The following SCMH1 variants were observed in gnomAD, a reference collection of about 807,000 sequenced individuals.
The protein encoded by SCMH1 is polycomb protein SCMH1.
Under a neutral mutation model 70.8 loss-of-function variants are expected in SCMH1, and 37 were observed. That is an observed-to-expected ratio of 0.52 (90% CI 0.40 to 0.69). The LOEUF (loss-of-function observed/expected upper bound fraction) is 0.69. Ranked by LOEUF, SCMH1 falls within the 30% of genes least tolerant of loss-of-function variation. The pLI is 0.00. For synonymous variants in SCMH1, 292 were observed against 307.4 expected, an observed-to-expected ratio of 0.95 and a Z score of 0.52; for missense variants, 607 against 827.3, an observed-to-expected ratio of 0.73 and a Z score of 3.27.
intron 1 of SCMH1, among the ~76,000 whole-genome samples, chr1:41,231,047 GAGAAC>G (rs957245902): frequency 6.6e-6 from 1 of 152,178 alleles, no homozygotes; most frequent in Non-Finnish European, 1.5e-5. Context: ...GATCAAAGTT[GAGAAC>G]AGAACAGTAG....
At chr1:41,083,124 G>C (rs1374194230) in intron 8 of SCMH1, among the ~76,000 whole-genome samples, 2 of 152,176 alleles carry the variant, frequency 1.3e-5, no homozygotes, top group African/African-American at 4.8e-5. Flanking sequence ...GTTCTGGCCA[G>C]GGCAATTAGG....
At chr1:41,159,711 C>A in intron 4 of SCMH1, 1 of 1,530,332 alleles carries the variant, frequency 6.5e-7, no homozygotes, top group Non-Finnish European at 8.8e-7. Context: ...TTATCAAGTG[C>A]CAGGCACCTT....
At chr1:41,159,254 C>A (rs373132258) in intron 4 of SCMH1, among the ~76,000 whole-genome samples, 1 of 152,176 alleles carries the variant, frequency 6.6e-6, no homozygotes, top group African/African-American at 2.4e-5. Context: ...AGGAAAAATA[C>A]ACTTTCAAAT....
At chr1:41,139,996 ACTAAT>A (rs987074349) in intron 6 of SCMH1, among the ~76,000 whole-genome samples, 1 of 152,210 alleles carries the variant, frequency 6.6e-6, no homozygotes, top group African/African-American at 2.4e-5. Context: ...TTAGACAGAA[ACTAAT>A]CTAAATGACC....
intron 10 of SCMH1, among the ~76,000 whole-genome samples, chr1:41,067,337 G>A (rs1654942796): frequency 1.3e-5 from 2 of 151,524 alleles, no homozygotes; most frequent in South Asian, 2.1e-4. Flanking sequence ...CCAGGTACTC[G>A]GAAGGCTGAG....
exon 6 of SCMH1, chr1:41,143,048 T>A (rs758534047): frequency 5.2e-5 from 84 of 1,614,068 alleles, no homozygotes; most frequent in Middle Eastern, 3.3e-4. Context: ...GGATGTGGTG[T>A]TCCTGGGGTC....
chr1:41,145,989 G>A (rs1307634572), intron 5 of SCMH1, among the ~76,000 whole-genome samples: 2 of 151,962 alleles, frequency 1.3e-5, no homozygotes, highest in Non-Finnish European at 2.9e-5. Context: ...TTCTTTATAC[G>A]AAAATAAAAG....
At chr1:41,114,459 A>G (rs1669954992) in intron 7 of SCMH1, among the ~76,000 whole-genome samples, 1 of 152,128 alleles carries the variant, frequency 6.6e-6, no homozygotes, top group South Asian at 2.1e-4. Context: ...TCATTCTTCA[A>G]TATTGTTTTT....
chr1:41,161,456 C>A, intron 2 of SCMH1, 24 bp from the exon 3 acceptor site: 2 of 1,537,190 alleles, frequency 1.3e-6, no homozygotes, highest in Non-Finnish European at 1.7e-6. Flanking sequence ...GAAAAATAGT[C>A]ATGTGGAAAG....
intron 12 of SCMH1, among the ~76,000 whole-genome samples, chr1:41,039,403 G>C (rs1296065262): frequency 6.6e-6 from 1 of 152,190 alleles, no homozygotes; most frequent in Non-Finnish European, 1.5e-5. Flanking sequence ...AAGCTCTGGG[G>C]GGTCCTAGTC....
chr1:41,104,557 T>C (rs1025121457), intron 8 of SCMH1, among the ~76,000 whole-genome samples: 10 of 152,220 alleles, frequency 6.6e-5, no homozygotes, highest in African/African-American at 1.9e-4. Flanking sequence ...TCATTAAGCA[T>C]TGTATGTATG....
chr1:41,238,620 ACT>A (rs566220268), intron 1 of SCMH1, among the ~76,000 whole-genome samples: 6 of 151,610 alleles, frequency 4.0e-5, no homozygotes, highest in African/African-American at 1.5e-4. Context: ...CAATCACTTC[ACT>A]CTCTACACAG....
At chr1:41,196,939 T>G (rs1000176776) in intron 1 of SCMH1, among the ~76,000 whole-genome samples, 5 of 152,086 alleles carry the variant, frequency 3.3e-5, no homozygotes, top group African/African-American at 1.2e-4. Context: ...AATAACCACA[T>G]GAAAAGATGC....
rs957801879 is a variant in SCMH1, at chr1:41,040,236, A to G, written c.1499-2695T>C. 3.9e-5 allele frequency among the ~76,000 whole-genome samples: 6 copies of G among 152,332 alleles called. No homozygotes were observed. The South Asian group carries it at 1.0e-3, about 26-fold the overall frequency. ...GTGTGTGACAGCCACTATACTAGTT[A>G]TGGTACATGCAGAGGTAAACAAATA... On this transcript the variant is annotated intron_variant, in intron 12 of 14. Coordinates refer to ENST00000337495, the Ensembl canonical transcript of SCMH1.
intron 8 of SCMH1, among the ~76,000 whole-genome samples, chr1:41,093,024 C>T (rs369846716): frequency 6.6e-6 from 1 of 152,060 alleles, no homozygotes; most frequent in Non-Finnish European, 1.5e-5. Flanking sequence ...CATTACTGGG[C>T]ATATACCCAA....
intron 2 of SCMH1, among the ~76,000 whole-genome samples, chr1:41,181,225 G>C (rs552503787): frequency 1.6e-4 from 24 of 152,112 alleles, no homozygotes; most frequent in Non-Finnish European, 2.2e-4. Flanking sequence ...TTAAATGTTA[G>C]ACCTAAACCC....
chr1:41,179,820 T>G (rs1648178931), intron 2 of SCMH1, among the ~76,000 whole-genome samples: 1 of 152,184 alleles, frequency 6.6e-6, no homozygotes, highest in South Asian at 2.1e-4. Flanking sequence ...TCTGAAACTA[T>G]TCCAATCAAC....
chr1:41,092,312 C>T (rs577166500), intron 8 of SCMH1, among the ~76,000 whole-genome samples: 18 of 152,218 alleles, frequency 1.2e-4, no homozygotes, highest in Admixed American at 6.5e-5. Flanking sequence ...GGAAAACTGG[C>T]TGGCCATATG....
In SCMH1 at chr1:41,201,771, TG is replaced by T. The variant is rs374844946; in HGVS notation, c.-117-15522del. ...TAATCTTTGAAAGGTAATAGGTATT[TG>T]GCTAAGGGATATCATTGATTTTTTT... On this transcript the variant is annotated intron_variant, in intron 1 of 14. Transcript: ENST00000337495. Among the ~76,000 whole-genome samples, 44 of 152,316 alleles carry T rather than the reference TG, an allele frequency of 2.9e-4. No homozygotes were observed. The East Asian group carries it at 8.5e-3, about 29-fold the overall frequency.
Sources: allele counts gnomAD v4.1 joint callset (sites outside exome capture counted in the v4.1 genomes callset), GRCh38; gene constraint gnomAD v4.1.1; transcripts MANE v1.5; gene names NCBI Gene and HGNC (gene_info 2026-07-23, HGNC 2026-07-21).